Variants in ZSWIM6 observed in about 807,000 individuals in gnomAD.
ZSWIM6 encodes the protein zinc finger SWIM-type containing 6, also known as zinc finger SWIM domain-containing protein 6.
Under a neutral mutation model 113.2 loss-of-function variants are expected in ZSWIM6, and 9 were observed. The ratio of observed to expected loss-of-function variants is 0.08; its 90% CI spans 0.05 to 0.14. The LOEUF is 0.14. Ranked by LOEUF, ZSWIM6 falls within the 10% of genes least tolerant of loss-of-function variation. The pLI is 1.00. For missense variants in ZSWIM6, 1,162 were observed against 1,552.2 expected (o/e 0.75, Z 4.22); for synonymous variants, 611 against 606.5 (o/e 1.01, Z -0.11).
chr5:61,531,551 G>A lies in ZSWIM6; in HGVS notation c.2071G>A (p.Ala691Thr). 6.4e-7 allele frequency: 1 copy of A among 1,551,666 alleles called. No homozygotes were observed. Reference protein sequence around the residue: ...LEEGESYLTLAVEVALIGLGQ... With the variant: ...LEEGESYLTLTVEVALIGLGQ... ...AGAAGGGGAATCCTATTTAACGCTGGCTGTGGAAGTAGCCCTGATAGGGCT... is the reference window on the plus strand; with the variant it reads ...AGAAGGGGAATCCTATTTAACGCTGACTGTGGAAGTAGCCCTGATAGGGCT... The change falls in exon 9 of 14, where the codon GCT becomes ACT. Residue 691 changes from alanine (A) to threonine (T), a missense_variant. By Grantham distance (58) the Ala-to-Thr change is moderately conservative. Coordinates refer to ENST00000252744, the MANE Select transcript of ZSWIM6 (RefSeq NM_020928.2).
chr5:61,482,487 AAAAT>A (rs1323317276), intron 2 of ZSWIM6, among the ~76,000 whole-genome samples: 13 of 152,216 alleles, frequency 8.5e-5, no homozygotes, highest in African/African-American at 2.7e-4. Flanking sequence ...ACTTACAGTA[AAAAT>A]AAATAAATAG....
chr5:61,483,667 G>A (rs890742090), intron 2 of ZSWIM6, among the ~76,000 whole-genome samples: 9 of 149,120 alleles, frequency 6.0e-5, no homozygotes, highest in African/African-American at 2.2e-4. Flanking sequence ...AGGAGACTGA[G>A]ACCATCCTAG....
intron 1 of ZSWIM6, among the ~76,000 whole-genome samples, chr5:61,402,532 TC>T (rs545439460): frequency 0.04 from 6,107 of 151,270 alleles, 396 homozygotes; most frequent in African/African-American, 0.14. Context: ...GTTTTTTTTT[TC>T]CCCCCAGGAA....
chr5:61,392,556 C>T (rs1232610793), intron 1 of ZSWIM6, among the ~76,000 whole-genome samples: 2 of 152,124 alleles, frequency 1.3e-5, no homozygotes, highest in East Asian at 3.8e-4. Flanking sequence ...ACACGTGCCA[C>T]TCTCATGATA....
chr5:61,368,205 CCAG>C (rs1226400410), intron 1 of ZSWIM6, among the ~76,000 whole-genome samples: 1 of 149,486 alleles, frequency 6.7e-6, no homozygotes, highest in African/African-American at 2.4e-5. Context: ...AGCCCAGTGC[CCAG>C]CACATGATAA....
At chr5:61,450,151 C>T (rs1747057020) in intron 1 of ZSWIM6, among the ~76,000 whole-genome samples, 2 of 152,302 alleles carry the variant, frequency 1.3e-5, no homozygotes, top group African/African-American at 4.8e-5. Flanking sequence ...CTTTCAACAT[C>T]CTCAGCCCGC....
rs1412183323 is a variant in ZSWIM6 at position 61,543,563 on chromosome 5, G to A, written c.2894G>A (p.Arg965His). 1.3e-5 allele frequency: 20 copies of A among 1,551,394 alleles called. No homozygotes were observed. Among genetic ancestry groups the A allele is most frequent in the African/African-American group, 4.1e-5 (3 of 72,948 alleles). Residue 965 changes from arginine to histidine, a missense_variant, in exon 14 of 14, where the codon CGC (arginine) becomes CAC (histidine). Physicochemically the swap from Arg to His is conservative, Grantham distance 29. Coordinates refer to ENST00000252744, the MANE Select transcript of ZSWIM6 (RefSeq NM_020928.2). This position sits in a 1 kb window ranked among gnomAD's most constrained non-coding sequence, Gnocchi z 4.3. Reference protein sequence around the residue: ...TTVMSNSTIVRLHLDCHQQEK... With the variant: ...TTVMSNSTIVHLHLDCHQQEK... ...GTGATGTCCAACAGCACCATCGTCCGCCTCCACCTGGACTGCCACCAGCAG... is the reference window on the plus strand; with the variant it reads ...GTGATGTCCAACAGCACCATCGTCCACCTCCACCTGGACTGCCACCAGCAG...
intron 1 of ZSWIM6, among the ~76,000 whole-genome samples, chr5:61,409,080 T>G (rs889944473): frequency 5.9e-5 from 7 of 119,586 alleles, no homozygotes; most frequent in East Asian, 3.9e-4. Context: ...GGTTTTTTTT[T>G]TTTTTTTTTT....
At chr5:61,355,804 G>A (rs1744894939) in intron 1 of ZSWIM6, among the ~76,000 whole-genome samples, 1 of 152,140 alleles carries the variant, frequency 6.6e-6, no homozygotes, top group African/African-American at 2.4e-5. Flanking sequence ...AAAACATTAT[G>A]AACAATTTAT....
intron 1 of ZSWIM6, among the ~76,000 whole-genome samples, chr5:61,347,927 A>C (rs556597189): frequency 2.0e-5 from 3 of 152,328 alleles, no homozygotes; most frequent in African/African-American, 7.2e-5. Flanking sequence ...GAATTAAAAA[A>C]AAGCAAGATT....
At chr5:61,374,668 C>T (rs1408230468) in intron 1 of ZSWIM6, among the ~76,000 whole-genome samples, 1 of 152,180 alleles carries the variant, frequency 6.6e-6, no homozygotes, top group African/African-American at 2.4e-5. Context: ...ATTCTCCTGC[C>T]TCAGCCTCCC....
intron 1 of ZSWIM6, among the ~76,000 whole-genome samples, chr5:61,352,098 C>T (rs574351531): frequency 3.3e-5 from 5 of 152,326 alleles, no homozygotes; most frequent in Non-Finnish European, 7.4e-5. Context: ...ACAATGTCCT[C>T]TCCTGCCTTT....
At chr5:61,354,380 A>G (rs953662921) in intron 1 of ZSWIM6, among the ~76,000 whole-genome samples, 1 of 152,226 alleles carries the variant, frequency 6.6e-6, no homozygotes, top group Non-Finnish European at 1.5e-5. Context: ...ATGCTGTACA[A>G]TTGCTGAAAT....
Position 61,472,757 on chromosome 5 carries a change from C to T in ZSWIM6, c.753C>T (p.Ser251=). The T allele has an allele frequency of 6.4e-7, 1 of 1,551,516 alleles. No homozygotes were observed. The highest frequency in any genetic ancestry group is 8.7e-7 in the Non-Finnish European group (1 of 1,146,900). ...AAACTGTTTGCAACGTGGCCATCAGCTTTGATCGTTGCAAGATTACCTCAG... is the reference window on the plus strand; with the variant it reads ...AAACTGTTTGCAACGTGGCCATCAGTTTTGATCGTTGCAAGATTACCTCAG... ...EPETVCNVAI[S]FDRCKITSVT... is the part of the protein sequence containing the mutation. Residue 251 remains serine, a synonymous_variant, in exon 2 of 14, where the codon AGC becomes AGT. Transcript: ENST00000252744. This position sits in a 1 kb window ranked among gnomAD's most constrained non-coding sequence, Gnocchi z 4.1.
chr5:61,332,689 C>T lies in ZSWIM6; in HGVS notation c.417C>T (p.Asp139=), dbSNP rs1295139979. Residue 139 remains aspartate (D), a synonymous_variant, in exon 1 of 14, where the codon GAC becomes GAT. Transcript: ENST00000252744. ...TGGGAAGGPG[D]DSGGGGGAGG... is the part of the protein sequence containing the mutation. Reference sequence around the variant, plus strand: ...GCGGCGCCGCGGGCGGCCCCGGCGACGACAGCGGTGGCGGCGGCGGCGCGG... The same window carrying T: ...GCGGCGCCGCGGGCGGCCCCGGCGATGACAGCGGTGGCGGCGGCGGCGCGG... 3 of 1,035,366 alleles carry T rather than the reference C, an allele frequency of 2.9e-6. No individual in the cohort carries two copies. The highest frequency in any genetic ancestry group is 3.6e-5 in the African/African-American group (2 of 54,952). The allele number at this position is 1,035,366 out of a possible 1,614,324, so 64.1% of individuals were successfully genotyped here.
At chr5:61,481,110 G>A (rs1456957657) in intron 2 of ZSWIM6, among the ~76,000 whole-genome samples, 2 of 152,158 alleles carry the variant, frequency 1.3e-5, no homozygotes, top group Non-Finnish European at 2.9e-5. Flanking sequence ...CAGTTAAGAT[G>A]AAGATGTTAA....
At chr5:61,478,451 G>A (rs990769001) in intron 2 of ZSWIM6, among the ~76,000 whole-genome samples, 1 of 152,122 alleles carries the variant, frequency 6.6e-6, no homozygotes, top group Non-Finnish European at 1.5e-5. Context: ...GTGCAGACAT[G>A]TGCACACATA....
Position 61,332,744 on chromosome 5 carries a change from TCCCCGGCCGCAA to T in ZSWIM6, c.475_486del (p.Pro159_Thr162del). ...CGGCGGCGGCGGCGGCTCCTCGTCT[TCCCCGGCCGCAA>T]CCTCGGCGGCCGCAACCTCGGCCGC... On this transcript the variant is annotated inframe_deletion, in exon 1 of 14. Coordinates refer to ENST00000252744, the MANE Select transcript of ZSWIM6 (RefSeq NM_020928.2). 2.3e-6 allele frequency: 2 copies of T among 884,258 alleles called. No homozygotes were observed. The highest frequency in any genetic ancestry group is 2.6e-6 in the Non-Finnish European group (2 of 757,044). 54.8% of individuals were successfully genotyped at this position (884,258 alleles called of 1,614,324 possible). A position where few individuals can be genotyped will look rare whatever the true frequency, so the allele number is the denominator to read the frequency against.
chr5:61,465,699 TTA>T (rs1156638770), intron 1 of ZSWIM6, among the ~76,000 whole-genome samples: 2 of 152,136 alleles, frequency 1.3e-5, no homozygotes, highest in East Asian at 1.9e-4. Flanking sequence ...CCGTAAATTT[TTA>T]TGTTGTTTGT....
Sources: allele counts gnomAD v4.1 joint callset (sites outside exome capture counted in the v4.1 genomes callset), GRCh38; gene constraint gnomAD v4.1.1; non-coding constraint Gnocchi (gnomAD v3.1); transcripts MANE v1.5; gene names NCBI Gene and HGNC (gene_info 2026-07-23, HGNC 2026-07-21).